The following IQSEC1 variants were observed in gnomAD, a reference collection of about 807,000 sequenced individuals.
The protein encoded by IQSEC1 is IQ motif and Sec7 domain ArfGEF 1.
A neutral mutation model predicts 91.0 loss-of-function variants in IQSEC1; 31 were observed. The ratio of observed to expected loss-of-function variants is 0.34; its 90% CI spans 0.26 to 0.46. IQSEC1 has a LOEUF of 0.46. IQSEC1 is among the 20% of genes least tolerant of loss of function. IQSEC1 has a pLI of 1.00. For synonymous variants in IQSEC1, 699 were observed against 662.6 expected (o/e 1.05, Z -0.84); for missense variants, 1,388 against 1,575.6 (o/e 0.88, Z 2.02).
intron 1 of IQSEC1, among the ~76,000 whole-genome samples, chr3:13,229,481 A>G (rs1002136722): frequency 2.6e-5 from 4 of 152,202 alleles, no homozygotes; most frequent in Admixed American, 1.3e-4. Flanking sequence ...TGAATGCCCA[A>G]TCGAGGCAGT....
chr3:13,207,560 G>A lies in IQSEC1; in HGVS notation c.273-43427C>T, dbSNP rs552794129. 5.9e-5 allele frequency among the ~76,000 whole-genome samples: 9 copies of A among 152,080 alleles called. No homozygotes were observed. The highest frequency in any genetic ancestry group is 2.1e-4 in the South Asian group (1 of 4,818). On this transcript the variant is annotated intron_variant, in intron 1 of 15. Coordinates refer to the IQSEC1 transcript ENST00000648114. The surrounding 1 kb of genome is among the most constrained non-coding windows in gnomAD (Gnocchi z 4.8). ...TCGTACTCCACGCCAGTTCCCATTC[G>A]CAGCCCAGTCAAGAGGATTTGGCAT...
At chr3:13,096,120 C>T (rs1387060871) in intron 2 of IQSEC1, among the ~76,000 whole-genome samples, 2 of 152,234 alleles carry the variant, frequency 1.3e-5, no homozygotes, top group Non-Finnish European at 1.5e-5. Flanking sequence ...AGCACCCTCC[C>T]TGGCTCTTCA....
chr3:12,985,033 C>G (rs1701658269), intron 1 of IQSEC1, among the ~76,000 whole-genome samples: 1 of 151,982 alleles, frequency 6.6e-6, no homozygotes, highest in African/African-American at 2.4e-5. Context: ...ACCGTGTTAG[C>G]CAGGATGGTC....
In IQSEC1 at chr3:13,214,609, G is replaced by T. The variant is rs1694507876; in HGVS notation, c.273-50476C>A. ...GAATCCTAGCAGAAGCCTGTGAGGT[G>T]AGGAGGGGGCACCTCCAGGAATCCA... On this transcript the variant is annotated intron_variant, in intron 1 of 15. Coordinates refer to the IQSEC1 transcript ENST00000648114. The surrounding 1 kb of genome is among the most constrained non-coding windows in gnomAD (Gnocchi z 4.5). Among the ~76,000 whole-genome samples the T allele has an allele frequency of 6.6e-6, 1 of 152,248 alleles. No homozygotes were observed. Among genetic ancestry groups the T allele is most frequent in the African/African-American group, 2.4e-5 (1 of 41,468 alleles).
Position 13,008,999 on chromosome 3 carries a change from C to G in IQSEC1, c.23+63993G>C, listed in dbSNP as rs1702755081. Among the ~76,000 whole-genome samples the G allele has an allele frequency of 6.6e-6, 1 of 152,222 alleles. No homozygotes were observed. Among genetic ancestry groups the G allele is most frequent in the African/African-American group, 2.4e-5 (1 of 41,454 alleles). On this transcript the variant is annotated intron_variant, in intron 1 of 13. Transcript: ENST00000613206. The surrounding 1 kb of genome is among the most constrained non-coding windows in gnomAD (Gnocchi z 4.1). ...GCCACATGGCTTGTATGCTGCAGAG[C>G]TGGGTCTTGGCCTGGCTTTCTGAGA...
intron 1 of IQSEC1, among the ~76,000 whole-genome samples, chr3:13,039,954 G>A (rs1197826526): frequency 6.6e-6 from 1 of 152,218 alleles, no homozygotes; most frequent in Non-Finnish European, 1.5e-5. Context: ...TTCTCCCCGT[G>A]CTTTGGTTTC....
chr3:12,915,179 G>T, intron 7 of IQSEC1, 46 bp from the exon 8 acceptor site: 1 of 1,584,528 alleles, frequency 6.3e-7, no homozygotes, highest in East Asian at 2.3e-5. Flanking sequence ...ATGTTTCAAA[G>T]CCACGCCCAG....
At chr3:13,092,881 C>G (rs1263796673) in intron 2 of IQSEC1, among the ~76,000 whole-genome samples, 1 of 152,176 alleles carries the variant, frequency 6.6e-6, no homozygotes, top group Non-Finnish European at 1.5e-5. Flanking sequence ...CTTCGAGTCC[C>G]GGGGCCTTTG....
chr3:12,935,297 G>A lies in IQSEC1; in HGVS notation c.1568+151C>T, dbSNP rs1026226292. The A allele has an allele frequency of 3.2e-5, 24 of 739,144 alleles. No individual in the cohort carries two copies. The highest frequency in any genetic ancestry group is 7.2e-5 in the South Asian group (4 of 55,724). 45.8% of individuals were successfully genotyped at this position (739,144 alleles called of 1,614,324 possible). On this transcript the variant is annotated intron_variant, in intron 3 of 13. Transcript: ENST00000613206. The surrounding 1 kb of genome is among the most constrained non-coding windows in gnomAD (Gnocchi z 8.0). ...AGGCCTCAGCGCACAGGCTGGCACC[G>A]TCCTAGCCACCGACCTTGTGTGGCA...
At chr3:13,071,336 G>T (rs1705418404) in intron 1 of IQSEC1, among the ~76,000 whole-genome samples, 1 of 152,076 alleles carries the variant, frequency 6.6e-6, no homozygotes. Flanking sequence ...TTGTGAGGAT[G>T]ACATTTCTGA....
In IQSEC1 at chr3:12,983,288, A is replaced by G. The variant is rs1465893323; in HGVS notation, c.24-41423T>C. ...GGTGGCAAATTTAGATCAGATTAAA[A>G]CGACAGCTCAGGGCACAGCTGGTAG... is the stretch of plus-strand genomic sequence containing the variant. On this transcript the variant is annotated intron_variant, in intron 1 of 13. Transcript: ENST00000613206. This position sits in a 1 kb window ranked among gnomAD's most constrained non-coding sequence, Gnocchi z 4.3. Among the ~76,000 whole-genome samples the G allele has an allele frequency of 6.6e-6, 1 of 152,214 alleles. No homozygotes were observed. The highest frequency in any genetic ancestry group is 2.4e-5 in the African/African-American group (1 of 41,458).
At chr3:13,176,007 A>C (rs1299279617) in intron 1 of IQSEC1, among the ~76,000 whole-genome samples, 1 of 152,196 alleles carries the variant, frequency 6.6e-6, no homozygotes, top group Non-Finnish European at 1.5e-5. Context: ...AAGGGGGCAG[A>C]CGTGACAATG....
At chr3:13,127,413 TCAA>T (rs1482102119) in intron 2 of IQSEC1, among the ~76,000 whole-genome samples, 9 of 140,586 alleles carry the variant, frequency 6.4e-5, no homozygotes, top group East Asian at 2.1e-4. Flanking sequence ...AAACTCTGTC[TCAA>T]CAACAACAAC....
At chr3:13,235,961 T>C (rs574254515) in intron 1 of IQSEC1, among the ~76,000 whole-genome samples, 1 of 152,200 alleles carries the variant, frequency 6.6e-6, no homozygotes, top group South Asian at 2.1e-4. Flanking sequence ...CCTGTCGCCT[T>C]GTAGTGTGGG....
intron 1 of IQSEC1, among the ~76,000 whole-genome samples, chr3:13,176,924 C>G (rs531452825): frequency 6.6e-6 from 1 of 152,314 alleles, no homozygotes; most frequent in East Asian, 1.9e-4. Context: ...ATACAAACAT[C>G]ACATCTGGAT....
chr3:13,120,800 G>T (rs73147122), intron 2 of IQSEC1, among the ~76,000 whole-genome samples: 11,485 of 152,164 alleles, frequency 0.075, 1,290 homozygotes, highest in African/African-American at 0.25. Context: ...TGACAGAGAG[G>T]GGCAGGGGAC....
chr3:13,022,367 C>T, intron 1 of IQSEC1: 1 of 1,161,696 alleles, frequency 8.6e-7, no homozygotes, highest in Non-Finnish European at 1.1e-6. Flanking sequence ...CCAGACCCTC[C>T]TGGCCAAGCG....
intron 1 of IQSEC1, among the ~76,000 whole-genome samples, chr3:12,985,933 CAGA>C (rs1394603173): frequency 1.3e-5 from 2 of 152,156 alleles, no homozygotes. Flanking sequence ...CTCAGAATTT[CAGA>C]AGATGAAGGG....
At chr3:13,201,106 A>AG (rs1285777189) in intron 1 of IQSEC1, among the ~76,000 whole-genome samples, 1 of 152,214 alleles carries the variant, frequency 6.6e-6, no homozygotes, top group Non-Finnish European at 1.5e-5. Flanking sequence ...CAAATGCGTG[A>AG]GGTGAGTCTC....
Sources: gnomAD v4.1 joint callset for allele counts (sites outside exome capture counted in the v4.1 genomes callset) on GRCh38, gnomAD v4.1.1 for gene constraint, Gnocchi (gnomAD v3.1) non-coding constraint, MANE v1.5 for transcripts, NCBI Gene and HGNC (gene_info 2026-07-23, HGNC 2026-07-21) for gene names.